PTBP3: variants seen among roughly 807,000 people sequenced by gnomAD.
PTBP3 encodes the protein polypyrimidine tract binding protein 3.
PTBP3 carries 20 observed loss-of-function variants against 58.7 expected under a neutral mutation model. The ratio of observed to expected loss-of-function variants is 0.34; its 90% CI spans 0.24 to 0.50. PTBP3 has a LOEUF of 0.50. Ranked by LOEUF, PTBP3 falls within the 20% of genes least tolerant of loss-of-function variation. PTBP3 has a pLI of 0.98. For missense variants in PTBP3, 509 were observed against 637.2 expected, an observed-to-expected ratio of 0.80 and a Z score of 2.17; for synonymous variants, 185 against 219.8, an observed-to-expected ratio of 0.84 and a Z score of 1.40.
At chr9:112,261,836 T>C (rs887535485) in intron 5 of PTBP3, among the ~76,000 whole-genome samples, 2 of 152,228 alleles carry the variant, frequency 1.3e-5, no homozygotes, top group Non-Finnish European at 2.9e-5. Flanking sequence ...TACAATATTC[T>C]ATACTTATCA....
the PTBP3 span, among the ~76,000 whole-genome samples, chr9:112,347,392 G>A: frequency 2.0e-5 from 3 of 148,480 alleles, no homozygotes; most frequent in African/African-American, 7.6e-5. Context: ...CCAGGCTGGA[G>A]TGCAGTGGTA....
At chr9:112,243,848 C>T (rs554974934) in intron 7 of PTBP3, among the ~76,000 whole-genome samples, 10 of 152,140 alleles carry the variant, frequency 6.6e-5, no homozygotes, top group Non-Finnish European at 1.3e-4. Flanking sequence ...CAGTTAAGAA[C>T]TGTTACACAT....
intron 3 of PTBP3, among the ~76,000 whole-genome samples, chr9:112,271,600 C>T (rs1827388657): frequency 6.6e-6 from 1 of 152,050 alleles, no homozygotes; most frequent in South Asian, 2.1e-4. Flanking sequence ...GTGGCAGGTG[C>T]CTGTAATCCT....
intron 1 of PTBP3, chr9:112,330,502 T>C (rs1342385644): frequency 6.8e-7 from 1 of 1,469,960 alleles, no homozygotes; most frequent in Non-Finnish European, 9.3e-7. Flanking sequence ...AAAGAGAAAA[T>C]GGAAAACAAA....
At position 112,276,018 on chromosome 9, in the gene PTBP3, A is replaced by G; in HGVS notation, c.35-5T>C. On this transcript the variant is annotated splice_region_variant and splice_polypyrimidine_tract_variant and intron_variant, in intron 2 of 13. Transcript: ENST00000374257. ...TCTTGCTGTCATTCCCATTAGCTAA[A>G]AAACATAAGATTCTTTTTTAAATTA... The G allele has an allele frequency of 6.2e-7, 1 of 1,607,890 alleles. No homozygotes were observed. The highest frequency in any genetic ancestry group is 8.5e-7 in the Non-Finnish European group (1 of 1,175,156).
chr9:112,309,112 G>T (rs1165583387), intron 1 of PTBP3, among the ~76,000 whole-genome samples: 3 of 151,984 alleles, frequency 2.0e-5, no homozygotes, highest in Non-Finnish European at 4.4e-5. Flanking sequence ...TTCAAGAAAA[G>T]ATATTTGTTT....
chr9:112,296,141 C>T (rs1007375521), intron 2 of PTBP3, among the ~76,000 whole-genome samples: 13 of 152,068 alleles, frequency 8.5e-5, no homozygotes, highest in South Asian at 2.1e-4. Context: ...CCCCTGAATT[C>T]GATGAAATAA....
At chr9:112,366,222 G>A in the PTBP3 span, among the ~76,000 whole-genome samples, 1 of 152,002 alleles carries the variant, frequency 6.6e-6, no homozygotes, top group East Asian at 1.9e-4. Context: ...AGCGGAGATT[G>A]CAGTGAGCCA....
chr9:112,322,966 G>C (rs1402960961), intron 1 of PTBP3, among the ~76,000 whole-genome samples: 1 of 152,246 alleles, frequency 6.6e-6, no homozygotes, highest in African/African-American at 2.4e-5. Flanking sequence ...GCAAACATCT[G>C]AACAGGTGTG....
intron 2 of PTBP3, among the ~76,000 whole-genome samples, chr9:112,290,705 T>TACACACACACAA (rs1418787518): frequency 1.4e-5 from 1 of 72,988 alleles, no homozygotes; most frequent in African/African-American, 4.7e-5. Context: ...TATATATATA[T>TACACACACACAA]ATACACACAC....
chr9:112,271,188 A>C (rs1827371146), intron 3 of PTBP3, among the ~76,000 whole-genome samples: 1 of 152,206 alleles, frequency 6.6e-6, no homozygotes, highest in Admixed American at 6.5e-5. Flanking sequence ...TATATGTCAT[A>C]TTTAATTCTG....
At chr9:112,320,285 A>ATATATAT (rs1245303665) in intron 1 of PTBP3, among the ~76,000 whole-genome samples, 1 of 40,122 alleles carries the variant, frequency 2.5e-5, no homozygotes, top group African/African-American at 2.6e-4. Flanking sequence ...CTCTTAAAAA[A>ATATATAT]AAAAAAATAT....
chr9:112,366,818 T>C, the PTBP3 span, among the ~76,000 whole-genome samples: 657 of 152,272 alleles, frequency 4.3e-3, 4 homozygotes, highest in African/African-American at 0.015. Flanking sequence ...ATAGATCCAC[T>C]GACAGCTTTC....
At chr9:112,350,321 A>G in the PTBP3 span, among the ~76,000 whole-genome samples, 1 of 152,164 alleles carries the variant, frequency 6.6e-6, no homozygotes, top group Non-Finnish European at 1.5e-5. Flanking sequence ...AATCACCACT[A>G]AAGAACTTAT....
intron 10 of PTBP3, 80 bp from the exon 11 acceptor site, chr9:112,228,552 A>T: frequency 1.2e-6 from 1 of 801,942 alleles, no homozygotes; most frequent in Non-Finnish European, 1.8e-6. Flanking sequence ...TACTTAAAGA[A>T]GGCATTTCTT....
At chr9:112,379,857 A>G in the PTBP3 span, 8 of 517,676 alleles carry the variant, frequency 1.5e-5, no homozygotes, top group East Asian at 2.9e-4. Flanking sequence ...CGCCGACAGG[A>G]GCCTGATTGT....
At position 112,227,612 on chromosome 9, in the gene PTBP3, C is replaced by G; in HGVS notation, c.1163G>C (p.Ser388Thr). ...NQAQLAMNHL[S>T]GQRLYGKVLR... Reference sequence around the variant, plus strand: ...CACTTTCCCATAAAGTCTCTGACCACTTAGATGGTTCATTGCTAGTGCATG... The same window carrying G: ...CACTTTCCCATAAAGTCTCTGACCAGTTAGATGGTTCATTGCTAGTGCATG... Residue 388 changes from serine (S) to threonine (T), a missense_variant, in exon 12 of 14, where the codon AGT (serine) becomes ACT (threonine). This residue lies in a region of PTBP3 where 135 missense variants were observed against 229.0 expected (regional missense o/e 0.59). Transcript: ENST00000374257. 6.2e-7 allele frequency: 1 copy of G among 1,613,814 alleles called. No homozygotes were observed. The highest frequency in any genetic ancestry group is 8.5e-7 in the Non-Finnish European group (1 of 1,179,832).
the PTBP3 span, among the ~76,000 whole-genome samples, chr9:112,371,646 A>ATTTTTT: frequency 3.1e-3 from 389 of 127,534 alleles, 6 homozygotes; most frequent in African/African-American, 0.011. Flanking sequence ...TTTTTAGTAG[A>ATTTTTT]TTTTTTTTTT....
intron 1 of PTBP3, among the ~76,000 whole-genome samples, chr9:112,329,842 AC>A (rs1830298855): frequency 1.0e-5 from 1 of 99,922 alleles, no homozygotes; most frequent in South Asian, 4.4e-4. Flanking sequence ...AGCCTAGGCT[AC>A]ACTTTTTTTT....
Sources: allele counts gnomAD v4.1 joint callset (sites outside exome capture counted in the v4.1 genomes callset), GRCh38; gene constraint gnomAD v4.1.1; regional missense constraint gnomAD v4.1.1; transcripts MANE v1.5; gene names NCBI Gene and HGNC (gene_info 2026-07-23, HGNC 2026-07-21).